Variants in PARD3 observed in about 807,000 individuals in gnomAD.
The protein encoded by PARD3 is partitioning defective 3 homolog.
PARD3 carries 75 observed loss-of-function variants against 155.4 expected under a neutral mutation model. The observed-to-expected ratio is 0.48, with a 90% CI of 0.40 to 0.58. The LOEUF is 0.58. Ranked by LOEUF, PARD3 falls within the 20% of genes least tolerant of loss-of-function variation. The pLI is 0.00. For synonymous variants in PARD3, 576 were observed against 610.5 expected, an observed-to-expected ratio of 0.94 and a Z score of 0.83; for missense variants, 1,642 against 1,721.7, an observed-to-expected ratio of 0.95 and a Z score of 0.82.
intron 14 of PARD3, among the ~76,000 whole-genome samples, chr10:34,357,335 A>G (rs1010791726): frequency 2.6e-5 from 4 of 152,216 alleles, no homozygotes; most frequent in African/African-American, 9.6e-5. Flanking sequence ...TACGTTGTCC[A>G]GTAGAATGCA....
chr10:34,322,394 T>C (rs1284734303), intron 19 of PARD3, among the ~76,000 whole-genome samples: 1 of 152,236 alleles, frequency 6.6e-6, no homozygotes, highest in Non-Finnish European at 1.5e-5. Context: ...ACTCAAGTTA[T>C]GTAGGAAAAT....
At chr10:34,681,758 ATATATATATATTTTTTTTTTTTT>A (rs1252368010) in intron 2 of PARD3, among the ~76,000 whole-genome samples, 2 of 20,106 alleles carry the variant, frequency 9.9e-5, no homozygotes, top group African/African-American at 5.4e-4. Context: ...ATATATATAT[ATATATATATATTTTTTTTTTTTT>A]TTTTTTTTTT....
At chr10:34,723,984 C>T (rs958565677) in intron 1 of PARD3, among the ~76,000 whole-genome samples, 1 of 152,160 alleles carries the variant, frequency 6.6e-6, no homozygotes, top group African/African-American at 2.4e-5. Context: ...CCCAAAGCCA[C>T]CAGCAGAGAG....
chr10:34,457,268 A>T (rs2077387520), intron 4 of PARD3, among the ~76,000 whole-genome samples: 3 of 152,204 alleles, frequency 2.0e-5, no homozygotes. Flanking sequence ...GATTTCTCTG[A>T]AGCCACTGGA....
chr10:34,419,787 T>G (rs1203530883), intron 5 of PARD3, among the ~76,000 whole-genome samples: 1 of 152,212 alleles, frequency 6.6e-6, no homozygotes, highest in Non-Finnish European at 1.5e-5. Context: ...GGAAAACAAT[T>G]CTCTATTATT....
At chr10:34,421,778 G>A (rs1846209575) in intron 5 of PARD3, among the ~76,000 whole-genome samples, 1 of 152,120 alleles carries the variant, frequency 6.6e-6, no homozygotes, top group African/African-American at 2.4e-5. Flanking sequence ...ATTTTAATAG[G>A]CAGGGAAAGA....
chr10:34,566,388 A>G (rs1481108238), intron 2 of PARD3, among the ~76,000 whole-genome samples: 1 of 152,208 alleles, frequency 6.6e-6, no homozygotes, highest in Non-Finnish European at 1.5e-5. Flanking sequence ...AACCCTTGAA[A>G]ATGAGATCAC....
chr10:34,220,076 C>G (rs540170447), intron 22 of PARD3, among the ~76,000 whole-genome samples: 9 of 152,220 alleles, frequency 5.9e-5, no homozygotes, highest in Non-Finnish European at 8.8e-5. Flanking sequence ...TAAAAGTGAA[C>G]AGTAAACCTT....
chr10:34,167,304 G>A (rs1778878), intron 22 of PARD3, among the ~76,000 whole-genome samples: 36,132 of 152,018 alleles, frequency 0.24, 4,460 homozygotes, highest in Middle Eastern at 0.36. Context: ...ATCAACCATC[G>A]TTGCACGGGT....
chr10:34,763,671 C>A (rs1837740236), intron 1 of PARD3, among the ~76,000 whole-genome samples: 1 of 152,160 alleles, frequency 6.6e-6, no homozygotes, highest in Admixed American at 6.5e-5. Context: ...TCTAACCCAT[C>A]ACCTACAAAC....
At chr10:34,146,583 A>T (rs992439541) in intron 22 of PARD3, among the ~76,000 whole-genome samples, 2 of 152,210 alleles carry the variant, frequency 1.3e-5, no homozygotes, top group East Asian at 3.8e-4. Flanking sequence ...TTTCTTTGAC[A>T]TGTGATGAAA....
chr10:34,138,962 C>CAAAA lies in PARD3; in HGVS notation c.3420-7383_3420-7380dup, dbSNP rs57894468. 2.1e-3 allele frequency among the ~76,000 whole-genome samples: 304 copies of CAAAA among 144,516 alleles called. 2 individuals are homozygous for CAAAA. Among genetic ancestry groups the CAAAA allele is most frequent in the African/African-American group, 6.9e-3 (271 of 39,054 alleles). The allele number at this position is 144,516 out of a possible 152,430, so 94.8% of individuals were successfully genotyped here. ...CTGGAAATAATGCAATACCACACTC[C>CAAAA]AAAAAAAAAAAAGAAAAAAGCTTTT... is the stretch of plus-strand genomic sequence containing the variant. On this transcript the variant is annotated intron_variant, in intron 22 of 24. Coordinates refer to ENST00000374788, the MANE Select transcript of PARD3 (RefSeq NM_001184785.2).
chr10:34,254,333 C>T lies in PARD3; in HGVS notation c.3419+15324G>A, dbSNP rs946399581. Among the ~76,000 whole-genome samples the T allele has an allele frequency of 3.3e-5, 5 of 152,012 alleles. 1 individual carries two copies. The highest frequency in any genetic ancestry group is 1.9e-4 in the East Asian group (1 of 5,156). The stretch of plus-strand genomic sequence containing the variant: ...GGCAGAGCTTGCAGTGAGCCGAGAT[C>T]GCACCACTGCACTCCAGCCTGGGCG... On this transcript the variant is annotated intron_variant, in intron 22 of 24. Coordinates refer to ENST00000374788, the MANE Select transcript of PARD3 (RefSeq NM_001184785.2).
chr10:34,401,500 C>T (rs955508717), intron 6 of PARD3, among the ~76,000 whole-genome samples: 1 of 152,076 alleles, frequency 6.6e-6, no homozygotes, highest in Non-Finnish European at 1.5e-5. Context: ...TATTGACACA[C>T]AAAGCAATCT....
intron 22 of PARD3, among the ~76,000 whole-genome samples, chr10:34,213,995 A>G (rs1951880711): frequency 6.6e-6 from 1 of 152,114 alleles, no homozygotes; most frequent in South Asian, 2.1e-4. Flanking sequence ...TTCTGGGCTC[A>G]GGCAATCCTC....
Position 34,269,915 on chromosome 10 carries a change from A to G in PARD3, c.3177-16T>C, listed in dbSNP as rs376392341. On this transcript the variant is annotated splice_polypyrimidine_tract_variant and intron_variant, in intron 21 of 24. Transcript: ENST00000374788. ...GGCTTGAATCCTATGAAATCAGAAC[A>G]AAGTTGAAATAAGAGAAACCTTTCC... 1.7e-5 allele frequency: 27 copies of G among 1,610,944 alleles called. No homozygotes were observed. In the African/African-American group the frequency reaches 3.5e-4, roughly 21 times the overall value.
chr10:34,119,557 G>A (rs1040783573), intron 24 of PARD3, 56 bp downstream of exon 24: 24 of 1,527,550 alleles, frequency 1.6e-5, no homozygotes, highest in Non-Finnish European at 2.0e-5. Context: ...TTCCTAAAGG[G>A]CGGGGGATCT....
intron 2 of PARD3, among the ~76,000 whole-genome samples, chr10:34,665,915 A>C (rs1170235106): frequency 8.4e-6 from 1 of 119,024 alleles, no homozygotes; most frequent in Non-Finnish European, 1.9e-5. Context: ...CAAAAAGAAA[A>C]GAAAAGAAAA....
intron 2 of PARD3, among the ~76,000 whole-genome samples, chr10:34,599,145 C>T (rs2089550596): frequency 6.6e-6 from 1 of 152,202 alleles, no homozygotes; most frequent in Non-Finnish European, 1.5e-5. Context: ...CAACCGCATC[C>T]CCACTTCCGT....
Sources: allele counts gnomAD v4.1 joint callset (sites outside exome capture counted in the v4.1 genomes callset), GRCh38; gene constraint gnomAD v4.1.1; transcripts MANE v1.5; gene names NCBI Gene and HGNC (gene_info 2026-07-23, HGNC 2026-07-21).